The following DYNLL1 variants were observed in gnomAD, a reference collection of about 807,000 sequenced individuals.
DYNLL1 encodes the protein dynein light chain 1, cytoplasmic.
DYNLL1 carries 3 observed loss-of-function variants against 10.1 expected under a neutral mutation model. The ratio of observed to expected loss-of-function variants is 0.30; its 90% CI spans 0.14 to 0.77. DYNLL1 has a LOEUF of 0.77. DYNLL1 is among the 30% of genes least tolerant of loss of function. The probability of loss-of-function intolerance (pLI) is 0.66; values close to 1 mark genes in which losing one functional copy is unlikely to be tolerated. For synonymous variants in DYNLL1, 46 were observed against 41.2 expected (o/e 1.12, Z -0.45); for missense variants, 47 against 111.7 (o/e 0.42, Z 2.61).
chr12:120,481,192 A>G (rs936014291), intron 1 of DYNLL1, among the ~76,000 whole-genome samples: 3 of 152,192 alleles, frequency 2.0e-5, no homozygotes, highest in Non-Finnish European at 4.4e-5. Context: ...TTCTGACACC[A>G]AATGTGTGGT....
At chr12:120,473,547 T>C (rs745972025) in intron 1 of DYNLL1, among the ~76,000 whole-genome samples, 11 of 150,078 alleles carry the variant, frequency 7.3e-5, no homozygotes, top group Non-Finnish European at 1.6e-4. Context: ...ACACAAAAAT[T>C]AGTCGGAGGT....
In DYNLL1 at chr12:120,498,392, C is replaced by A. The variant is rs1868539398; in HGVS notation, c.*182C>A. The stretch of plus-strand genomic sequence containing the variant: ...TTTGTCGTGGTTATAAAACAATTAG[C>A]AGAATAGCCTACATTTGTATTTATT... On this transcript the variant is annotated 3_prime_UTR_variant, in exon 3 of 3. Coordinates refer to ENST00000242577, the MANE Select transcript of DYNLL1 (RefSeq NM_003746.3). 1 of 597,848 alleles carries A rather than the reference C, an allele frequency of 1.7e-6. No individual in the cohort carries two copies. The highest frequency in any genetic ancestry group is 2.7e-6 in the Non-Finnish European group (1 of 374,834). The allele number at this position is 597,848 out of a possible 1,614,324, so 37.0% of individuals were successfully genotyped here.
intron 1 of DYNLL1, among the ~76,000 whole-genome samples, chr12:120,474,191 T>C (rs775157332): frequency 2.6e-5 from 4 of 151,478 alleles, no homozygotes; most frequent in Non-Finnish European, 4.4e-5. Flanking sequence ...TCCCAGCTAC[T>C]TGGGAGGCTG....
intron 1 of DYNLL1, among the ~76,000 whole-genome samples, chr12:120,476,099 G>C (rs1029592530): frequency 6.9e-6 from 1 of 144,250 alleles, no homozygotes; most frequent in African/African-American, 2.4e-5. Context: ...AGGGTAGGGG[G>C]GTGTGAAAAG....
intron 1 of DYNLL1, among the ~76,000 whole-genome samples, chr12:120,485,060 A>G (rs2091508359): frequency 1.3e-5 from 2 of 151,844 alleles, no homozygotes; most frequent in African/African-American, 2.4e-5. Flanking sequence ...TAAAGAAGCT[A>G]TTAAAATTGG....
intron 1 of DYNLL1, among the ~76,000 whole-genome samples, chr12:120,482,416 G>A (rs1007514148): frequency 5.3e-5 from 8 of 151,636 alleles, no homozygotes; most frequent in African/African-American, 9.7e-5. Flanking sequence ...TCCACCTCCC[G>A]GGTTCACGCC....
At chr12:120,470,242 G>T (rs1878614489) in intron 1 of DYNLL1, 2 of 152,218 alleles carry the variant, frequency 1.3e-5, no homozygotes, top group Admixed American at 1.3e-4. Context: ...GTATCACAGC[G>T]ATCACTATAG....
intron 1 of DYNLL1, among the ~76,000 whole-genome samples, chr12:120,484,772 T>C (rs1364896262): frequency 6.7e-6 from 1 of 150,356 alleles, no homozygotes; most frequent in Non-Finnish European, 1.5e-5. Context: ...GGAGTCTCAC[T>C]GTGACACCCA....
chr12:120,477,095 A>C (rs1009247483), intron 1 of DYNLL1, among the ~76,000 whole-genome samples: 1 of 151,248 alleles, frequency 6.6e-6, no homozygotes, highest in African/African-American at 2.4e-5. Flanking sequence ...ACACTTGGAT[A>C]ATTTTGTATT....
intron 2 of DYNLL1, 44 bp from the exon 3 acceptor site, chr12:120,498,029 C>G: frequency 6.3e-7 from 1 of 1,592,684 alleles, no homozygotes; most frequent in Non-Finnish European, 8.6e-7. Flanking sequence ...AAACACTGAC[C>G]TCTGGTAATT....
upstream of DYNLL1, chr12:120,495,889 G>T (rs1169240070): frequency 6.1e-6 from 1 of 165,166 alleles, no homozygotes; most frequent in Non-Finnish European, 1.3e-5. Flanking sequence ...TGTGGGCCTC[G>T]TAGCGTGCGG....
intron 1 of DYNLL1, among the ~76,000 whole-genome samples, chr12:120,478,225 G>A (rs1407137345): frequency 1.3e-5 from 2 of 151,048 alleles, no homozygotes; most frequent in African/African-American, 2.4e-5. Context: ...CTCCTGCCTC[G>A]GCTTCCTGAG....
rs1185004492 is a variant in DYNLL1, at chr12:120,496,152, G to T, written c.-71G>T. 6 of 554,000 alleles carry T rather than the reference G, an allele frequency of 1.1e-5. No individual in the cohort carries two copies. Among genetic ancestry groups the T allele is most frequent in the Non-Finnish European group, 1.9e-5 (6 of 312,238 alleles). 34.3% of individuals were successfully genotyped at this position (554,000 alleles called of 1,614,324 possible). On this transcript the variant is annotated 5_prime_UTR_variant, in exon 1 of 3. Transcript: ENST00000242577. ...TTCGGTAGCGACGGTATCTCTAGCC[G>T]GGCCTGAGCTGTGCTAGCACCTCCC...
In DYNLL1 at chr12:120,496,411, A is replaced by G. The variant is rs777233170; in HGVS notation, c.-6-5A>G. 1.2e-5 allele frequency: 19 copies of G among 1,613,826 alleles called. No homozygotes were observed. Among genetic ancestry groups the G allele is most frequent in the Non-Finnish European group, 1.5e-5 (18 of 1,179,982 alleles). ...CAACCCCTTACCCCAGGCCTTGCCC[A>G]CTAGGTAACCATGTGCGACCGAAAG... On this transcript the variant is annotated splice_region_variant and splice_polypyrimidine_tract_variant and intron_variant, in intron 1 of 2. Transcript: ENST00000242577.
intron 1 of DYNLL1, among the ~76,000 whole-genome samples, chr12:120,472,803 G>C: frequency 6.6e-6 from 1 of 152,110 alleles, no homozygotes; most frequent in East Asian, 1.9e-4. Context: ...AGGCTTCTTG[G>C]ATTAGATAGA....
chr12:120,473,024 A>T (rs1878682660), intron 1 of DYNLL1, among the ~76,000 whole-genome samples: 1 of 152,106 alleles, frequency 6.6e-6, no homozygotes, highest in African/African-American at 2.4e-5. Context: ...ATTATTTATG[A>T]TTTAGGTCCT....
At chr12:120,488,845 G>A (rs1035925429) in intron 1 of DYNLL1, among the ~76,000 whole-genome samples, 7 of 152,182 alleles carry the variant, frequency 4.6e-5, no homozygotes, top group East Asian at 1.9e-4. Flanking sequence ...CCCAGGAGGC[G>A]GAGGTTGTGG....
chr12:120,472,604 C>T (rs1878674666), intron 1 of DYNLL1, among the ~76,000 whole-genome samples: 1 of 152,140 alleles, frequency 6.6e-6, no homozygotes, highest in Admixed American at 6.5e-5. Flanking sequence ...AAAAAAAGTG[C>T]TGTTGGAGAC....
chr12:120,492,152 GT>G (rs1179307999), upstream of DYNLL1: 8 of 152,190 alleles, frequency 5.3e-5, no homozygotes, highest in Non-Finnish European at 1.2e-4. The surrounding 1 kb of genome is among the most constrained non-coding windows in gnomAD (Gnocchi z 4.1). Flanking sequence ...TTGTAGAATT[GT>G]TATGAGAAGC....
Sources: allele counts gnomAD v4.1 joint callset (sites outside exome capture counted in the v4.1 genomes callset), GRCh38; gene constraint gnomAD v4.1.1; non-coding constraint Gnocchi (gnomAD v3.1); transcripts MANE v1.5; gene names NCBI Gene and HGNC (gene_info 2026-07-23, HGNC 2026-07-21).